HFM1: variants seen among roughly 807,000 people sequenced by gnomAD.
HFM1 encodes the protein probable ATP-dependent DNA helicase HFM1.
In HFM1, 169 loss-of-function variants were observed where a neutral mutation model predicts 192.1. The ratio of observed to expected loss-of-function variants is 0.88; its 90% CI spans 0.78 to 1.00. The LOEUF (loss-of-function observed/expected upper bound fraction) is 1.00, where lower values mean the gene tolerates loss of function less well. HFM1 is among the 50% of genes least tolerant of loss of function. HFM1 has a pLI of 0.00. For synonymous variants in HFM1, 525 were observed against 537.8 expected (o/e 0.98, Z 0.33); for missense variants, 1,661 against 1,668.0 (o/e 1.00, Z 0.07).
intron 4 of HFM1, among the ~76,000 whole-genome samples, chr1:91,392,078 A>G (rs1663064742): frequency 1.3e-5 from 2 of 152,206 alleles, no homozygotes. Context: ...AATGGTGATC[A>G]TTAAAAAGTC....
chr1:91,360,431 G>A (rs1430733062), intron 13 of HFM1, among the ~76,000 whole-genome samples: 2 of 152,028 alleles, frequency 1.3e-5, no homozygotes, highest in East Asian at 1.9e-4. Flanking sequence ...AACCAACAAA[G>A]ATCAAAAAAG....
chr1:91,303,128 C>T (rs908888507), intron 30 of HFM1, among the ~76,000 whole-genome samples: 1 of 152,128 alleles, frequency 6.6e-6, no homozygotes, highest in Non-Finnish European at 1.5e-5. Flanking sequence ...ACACTGTCAT[C>T]ACCATACATA....
intron 30 of HFM1, among the ~76,000 whole-genome samples, chr1:91,284,343 G>A (rs191182845): frequency 7.9e-5 from 12 of 152,106 alleles, no homozygotes; most frequent in Admixed American, 6.5e-4. Flanking sequence ...CAAGGCTCAA[G>A]TGATTCACCT....
intron 30 of HFM1, among the ~76,000 whole-genome samples, chr1:91,295,939 CT>C (rs1238456766): frequency 6.6e-6 from 1 of 151,112 alleles, no homozygotes; most frequent in Non-Finnish European, 1.5e-5. Flanking sequence ...TTTTTTCTTT[CT>C]TTTTTTTTGA....
intron 30 of HFM1, among the ~76,000 whole-genome samples, chr1:91,284,346 AT>A (rs1570775327): frequency 6.6e-6 from 1 of 151,894 alleles, no homozygotes; most frequent in African/African-American, 2.4e-5. Context: ...GGCTCAAGTG[AT>A]TCACCTGCCT....
At chr1:91,289,027 G>A (rs939012969) in intron 30 of HFM1, among the ~76,000 whole-genome samples, 3 of 151,354 alleles carry the variant, frequency 2.0e-5, no homozygotes, top group Admixed American at 6.6e-5. Flanking sequence ...CCCGGATGGG[G>A]CAGCTGGCCG....
intron 2 of HFM1, among the ~76,000 whole-genome samples, chr1:91,397,785 C>A (rs1383671368): frequency 1.3e-5 from 2 of 152,204 alleles, no homozygotes; most frequent in Non-Finnish European, 2.9e-5. Context: ...GAAAACCAGG[C>A]ATGAGCTTTC....
chr1:91,266,171 A>G (rs1033425669), intron 35 of HFM1, 64 bp from the exon 36 acceptor site: 2 of 1,276,588 alleles, frequency 1.6e-6, no homozygotes, highest in Non-Finnish European at 2.2e-6. Context: ...GCTTTTCACA[A>G]GTTCTACAAC....
Position 91,297,417 on chromosome 1 carries a change from C to T in HFM1, c.3391+15932G>A, listed in dbSNP as rs187317409. 5.5e-3 allele frequency among the ~76,000 whole-genome samples: 834 copies of T among 152,122 alleles called. 5 individuals are homozygous for T. Among genetic ancestry groups the T allele is most frequent in the African/African-American group, 0.019 (789 of 41,546 alleles). Reference sequence around the variant, plus strand: ...AGAAACATCTGCAGACTTAAATGTCCCTGTCTGACAGCTTTGAAGAGAGTA... The same window carrying T: ...AGAAACATCTGCAGACTTAAATGTCTCTGTCTGACAGCTTTGAAGAGAGTA... On this transcript the variant is annotated intron_variant, in intron 30 of 38. Coordinates refer to ENST00000370425, the MANE Select transcript of HFM1 (RefSeq NM_001017975.6).
intron 13 of HFM1, among the ~76,000 whole-genome samples, chr1:91,371,951 A>G (rs1360750288): frequency 6.6e-6 from 1 of 152,246 alleles, no homozygotes; most frequent in Non-Finnish European, 1.5e-5. Context: ...ACTTCTCAAA[A>G]GAAGACATTT....
chr1:91,262,290 C>G lies in HFM1; in HGVS notation c.4189G>C (p.Val1397Leu). 6.7e-7 allele frequency: 1 copy of G among 1,481,598 alleles called. No homozygotes were observed. Among genetic ancestry groups the G allele is most frequent in the Non-Finnish European group, 9.2e-7 (1 of 1,083,068 alleles). The allele number at this position is 1,481,598 out of a possible 1,614,324, so 91.8% of individuals were successfully genotyped here. The stretch of plus-strand genomic sequence containing the variant: ...TCACTGTTTCTAATAAAAAAATCCA[C>G]TTTTTTATAATTTGAAGAATTTGGG... The part of the protein sequence containing the change: ...KNPNSSNYKK[V>L]DFFIRNSECK... The change falls in exon 38 of 39, where the codon GTG becomes CTG. Residue 1397 changes from valine to leucine, a missense_variant. By Grantham distance (32) the Val-to-Leu change is conservative (BLOSUM62 1). Coordinates refer to ENST00000370425, the MANE Select transcript of HFM1 (RefSeq NM_001017975.6).
At chr1:91,264,272 T>A (rs938599470) in intron 36 of HFM1, among the ~76,000 whole-genome samples, 3 of 151,388 alleles carry the variant, frequency 2.0e-5, no homozygotes, top group African/African-American at 7.3e-5. Flanking sequence ...TCTGGAATTC[T>A]ATTAAAACTA....
intron 32 of HFM1, among the ~76,000 whole-genome samples, chr1:91,275,353 C>T (rs150248468): frequency 8.0e-4 from 122 of 152,266 alleles, no homozygotes; most frequent in African/African-American, 2.8e-3. Flanking sequence ...TCAAAGATCT[C>T]ATTTATTCCT....
chr1:91,269,633 G>A (rs921100840), intron 34 of HFM1, among the ~76,000 whole-genome samples: 2 of 152,154 alleles, frequency 1.3e-5, no homozygotes, highest in African/African-American at 4.8e-5. Context: ...TTTGTACAGA[G>A]TGCAATGGGA....
At chr1:91,333,722 CTATAAA>C (rs1231449678) in intron 20 of HFM1, among the ~76,000 whole-genome samples, 1 of 152,112 alleles carries the variant, frequency 6.6e-6, no homozygotes, top group Non-Finnish European at 1.5e-5. Flanking sequence ...CTCATGAACT[CTATAAA>C]TATATATACT....
At chr1:91,302,280 AC>A (rs1271751064) in intron 30 of HFM1, among the ~76,000 whole-genome samples, 1 of 151,870 alleles carries the variant, frequency 6.6e-6, no homozygotes, top group Admixed American at 6.6e-5. Context: ...AAGTCAGGAA[AC>A]AACAGGTGCT....
intron 30 of HFM1, among the ~76,000 whole-genome samples, chr1:91,286,151 C>A (rs1019475488): frequency 2.0e-5 from 3 of 152,096 alleles, no homozygotes; most frequent in Admixed American, 1.3e-4. Context: ...ATATCAGCAC[C>A]CCTAGAAACT....
intron 20 of HFM1, among the ~76,000 whole-genome samples, chr1:91,338,647 C>T (rs1319014748): frequency 6.6e-6 from 1 of 152,186 alleles, no homozygotes; most frequent in African/African-American, 2.4e-5. Flanking sequence ...TCAACCATGG[C>T]CTCCCCACAT....
chr1:91,375,257 T>C, intron 13 of HFM1, 101 bp downstream of exon 13: 4 of 734,846 alleles, frequency 5.4e-6, no homozygotes, highest in Middle Eastern at 3.9e-4. Flanking sequence ...ATGAGGACAC[T>C]GAGGTTTACC....
Sources: gnomAD v4.1 joint callset for allele counts (sites outside exome capture counted in the v4.1 genomes callset) on GRCh38, gnomAD v4.1.1 for gene constraint, MANE v1.5 for transcripts, NCBI Gene and HGNC (gene_info 2026-07-23, HGNC 2026-07-21) for gene names.